CTNNA3: variants seen among roughly 807,000 people sequenced by gnomAD.
CTNNA3 encodes catenin alpha 3.
CTNNA3 carries 76 observed loss-of-function variants against 95.7 expected under a neutral mutation model. The observed-to-expected ratio is 0.79, with a 90% CI of 0.66 to 0.96. The LOEUF (loss-of-function observed/expected upper bound fraction) is 0.96, where lower values mean the gene tolerates loss of function less well. Ranked by LOEUF, CTNNA3 falls within the 40% of genes least tolerant of loss-of-function variation. The pLI is 0.00. For missense variants in CTNNA3, 1,191 were observed against 1,089.8 expected (o/e 1.09, Z -1.31); for synonymous variants, 431 against 374.4 (o/e 1.15, Z -1.74).
intron 13 of CTNNA3, among the ~76,000 whole-genome samples, chr10:66,167,881 C>T (rs759228537): frequency 2.6e-5 from 4 of 152,146 alleles, no homozygotes; most frequent in Non-Finnish European, 5.9e-5. Context: ...TCAAGTGTGT[C>T]CAGAAATTGG....
chr10:67,479,923 A>T (rs1437121656), intron 5 of CTNNA3, among the ~76,000 whole-genome samples: 1 of 152,198 alleles, frequency 6.6e-6, no homozygotes, highest in East Asian at 1.9e-4. Context: ...CCAATCCCAC[A>T]GAAATACAAA....
chr10:67,352,916 A>G (rs999934638), intron 5 of CTNNA3, among the ~76,000 whole-genome samples: 2 of 152,004 alleles, frequency 1.3e-5, no homozygotes, highest in Non-Finnish European at 1.5e-5. Context: ...CATCACAGAT[A>G]TTAATTCCAG....
intron 10 of CTNNA3, among the ~76,000 whole-genome samples, chr10:66,590,332 G>T (rs1843506829): frequency 6.6e-6 from 1 of 152,086 alleles, no homozygotes; most frequent in Admixed American, 6.6e-5. Flanking sequence ...CAGACTGGAA[G>T]CCCACTGCTC....
At chr10:67,741,267 A>G (rs1216136880) in intron 1 of CTNNA3, among the ~76,000 whole-genome samples, 2 of 150,066 alleles carry the variant, frequency 1.3e-5, no homozygotes, top group African/African-American at 2.4e-5. Flanking sequence ...TATGTAACTA[A>G]CCTGCACATT....
intron 9 of CTNNA3, among the ~76,000 whole-genome samples, chr10:66,645,931 C>G (rs935591987): frequency 2.6e-5 from 4 of 152,134 alleles, no homozygotes; most frequent in African/African-American, 9.7e-5. Flanking sequence ...TATGCTCTGG[C>G]AATGTCACAC....
chr10:67,070,361 T>C (rs1436488752), intron 7 of CTNNA3, among the ~76,000 whole-genome samples: 1 of 152,218 alleles, frequency 6.6e-6, no homozygotes, highest in Non-Finnish European at 1.5e-5. Context: ...CTTTTCATTC[T>C]CTTAATGGTA....
chr10:66,157,061 T>C (rs868433654), intron 13 of CTNNA3, among the ~76,000 whole-genome samples: 4 of 151,984 alleles, frequency 2.6e-5, no homozygotes, highest in African/African-American at 9.6e-5. Flanking sequence ...AATTTTTCCA[T>C]AAGTTATTGG....
In CTNNA3 at chr10:66,556,986, A is replaced by G. The variant is rs1220908240; in HGVS notation, c.1375-36213T>C. On this transcript the variant is annotated intron_variant, in intron 10 of 17. Transcript: ENST00000433211. ...ATATCATGCTGTACACCTTAAATATATACAATTTTATTAAAAAGTAAAAAA... is the reference window on the plus strand; with the variant it reads ...ATATCATGCTGTACACCTTAAATATGTACAATTTTATTAAAAAGTAAAAAA... Among the ~76,000 whole-genome samples, 3 of 152,070 alleles carry G rather than the reference A, an allele frequency of 2.0e-5. No homozygotes were observed. In the East Asian group the frequency reaches 5.8e-4, roughly 29 times the overall value.
chr10:66,056,540 C>T (rs914410727), intron 15 of CTNNA3, among the ~76,000 whole-genome samples: 1 of 152,022 alleles, frequency 6.6e-6, no homozygotes, highest in African/African-American at 2.4e-5. Flanking sequence ...TAATACTAGC[C>T]TCATAGAATG....
At chr10:67,181,835 A>T (rs904163862) in intron 6 of CTNNA3, among the ~76,000 whole-genome samples, 24 of 151,958 alleles carry the variant, frequency 1.6e-4, no homozygotes, top group Middle Eastern at 6.8e-3. Context: ...GTTTTAAAAC[A>T]TTTTTTTTAA....
intron 5 of CTNNA3, among the ~76,000 whole-genome samples, chr10:67,341,361 C>T (rs1047946145): frequency 1.6e-4 from 24 of 152,114 alleles, no homozygotes; most frequent in African/African-American, 5.8e-4. Flanking sequence ...ACTTCCCAGC[C>T]TCTGGTAACC....
chr10:66,772,198 G>A (rs1840112564), intron 8 of CTNNA3, among the ~76,000 whole-genome samples: 4 of 152,042 alleles, frequency 2.6e-5, no homozygotes, highest in Admixed American at 2.6e-4. Flanking sequence ...GGCCGAGGTG[G>A]GCAGATCACA....
At chr10:66,512,637 C>G (rs1378211772) in intron 11 of CTNNA3, among the ~76,000 whole-genome samples, 1 of 152,024 alleles carries the variant, frequency 6.6e-6, no homozygotes, top group African/African-American at 2.4e-5. Context: ...TAGATAACAT[C>G]CTTTCGCTTT....
chr10:66,831,042 T>G lies in CTNNA3; in HGVS notation c.1048-55518A>C, dbSNP rs150927693. On this transcript the variant is annotated intron_variant, in intron 7 of 17. Coordinates refer to ENST00000433211, the MANE Select transcript of CTNNA3 (RefSeq NM_013266.4). ...ACCTGAAAATGAAACAAAGAATGAT[T>G]CCAAAGCTTTACTCCCATGAAATAG... is the stretch of plus-strand genomic sequence containing the variant. Among the ~76,000 whole-genome samples the G allele has an allele frequency of 4.6e-3, 705 of 152,288 alleles. 9 individuals carry two copies. The highest frequency in any genetic ancestry group is 0.016 in the African/African-American group (672 of 41,554).
chr10:66,081,154 G>A lies in CTNNA3; in HGVS notation c.1978-11665C>T, dbSNP rs200967185. Among the ~76,000 whole-genome samples the A allele has an allele frequency of 1.1e-3, 160 of 152,252 alleles. 1 individual carries two copies. The highest frequency in any genetic ancestry group is 3.2e-3 in the African/African-American group (135 of 41,564). ...GAACCTGAGATCTAGGGCAATAAGC[G>A]CCTTCTGAAAGAGATATGATGTAAG... On this transcript the variant is annotated intron_variant, in intron 14 of 17. Coordinates refer to ENST00000433211, the MANE Select transcript of CTNNA3 (RefSeq NM_013266.4).
At chr10:66,504,752 A>C (rs1365563760) in intron 11 of CTNNA3, among the ~76,000 whole-genome samples, 1 of 152,166 alleles carries the variant, frequency 6.6e-6, no homozygotes, top group African/African-American at 2.4e-5. Context: ...TACACATAAA[A>C]TTGTGAGACT....
chr10:67,741,848 T>C lies in CTNNA3; in HGVS notation c.-2+21586A>G, dbSNP rs565438010. The stretch of plus-strand genomic sequence containing the variant: ...AAATGGAAAACAAAAAAGGCAGGTG[T>C]TGCAATCCTAGTCTCTGATAAAACA... On this transcript the variant is annotated intron_variant, in intron 1 of 17. Coordinates refer to the CTNNA3 transcript ENST00000684154. Among the ~76,000 whole-genome samples the C allele has an allele frequency of 6.0e-5, 9 of 151,200 alleles. No homozygotes were observed. The South Asian group carries it at 1.9e-3, about 32-fold the overall frequency.
At chr10:66,404,818 G>C (rs1003170887) in intron 11 of CTNNA3, among the ~76,000 whole-genome samples, 1 of 151,214 alleles carries the variant, frequency 6.6e-6, no homozygotes, top group Non-Finnish European at 1.5e-5. Flanking sequence ...TAGTATTAGT[G>C]TATTTTATGT....
At chr10:65,947,324 A>G (rs2077534274) in intron 17 of CTNNA3, among the ~76,000 whole-genome samples, 2 of 152,206 alleles carry the variant, frequency 1.3e-5, no homozygotes, top group South Asian at 4.1e-4. Flanking sequence ...TAACTCTTAC[A>G]ACAATTAGAT....
Sources: gnomAD v4.1 joint callset for allele counts (sites outside exome capture counted in the v4.1 genomes callset) on GRCh38, gnomAD v4.1.1 for gene constraint, MANE v1.5 for transcripts, NCBI Gene and HGNC (gene_info 2026-07-23, HGNC 2026-07-21) for gene names.